PACSIN2: variants seen among roughly 807,000 people sequenced by gnomAD.
The protein encoded by PACSIN2 is protein kinase C and casein kinase substrate in neurons protein 2.
Under a neutral mutation model 63.8 loss-of-function variants are expected in PACSIN2, and 25 were observed. The ratio of observed to expected loss-of-function variants is 0.39; its 90% CI spans 0.29 to 0.55. PACSIN2 has a LOEUF of 0.55. Among genes scored for constraint, PACSIN2 ranks in the 20% least tolerant of loss-of-function variants. The probability of loss-of-function intolerance (pLI) is 0.62; values close to 1 mark genes in which losing one functional copy is unlikely to be tolerated. For missense variants in PACSIN2, 518 were observed against 646.9 expected (o/e 0.80, Z 2.16); for synonymous variants, 255 against 256.2 (o/e 1.00, Z 0.05).
chr22:42,987,530 C>T (rs866503700), intron 1 of PACSIN2, among the ~76,000 whole-genome samples: 18 of 52,024 alleles, frequency 3.5e-4, no homozygotes, highest in East Asian at 2.0e-3. Flanking sequence ...CACATTCATT[C>T]TTTTTTTTTT....
intron 1 of PACSIN2, among the ~76,000 whole-genome samples, chr22:42,932,223 C>T (rs903947138): frequency 1.2e-4 from 18 of 152,208 alleles, no homozygotes; most frequent in Admixed American, 1.0e-3. Context: ...AGAGCCTTTG[C>T]ACATGCTGTT....
intron 1 of PACSIN2, among the ~76,000 whole-genome samples, chr22:42,945,471 G>A (rs1192629344): frequency 3.3e-5 from 5 of 152,068 alleles, no homozygotes; most frequent in Non-Finnish European, 5.9e-5. Context: ...CTGCCTACTG[G>A]ATGCCTCCAC....
In PACSIN2 at chr22:43,012,159, ATAC is replaced by A. The variant is rs769109655; in HGVS notation, c.-78+2859_-78+2861del. On this transcript the variant is annotated intron_variant, in intron 1 of 10. Coordinates refer to ENST00000263246, the MANE Select transcript of PACSIN2 (RefSeq NM_001184970.3). ...ACTCTGTCTCAAAATAAATAAATAC[ATAC>A]ATACATACATACATACATACATACA... is the stretch of plus-strand genomic sequence containing the variant. Among the ~76,000 whole-genome samples the A allele has an allele frequency of 2.8e-3, 220 of 78,790 alleles. 1 individual carries two copies. The highest frequency in any genetic ancestry group is 9.5e-3 in the African/African-American group (166 of 17,386). 51.7% of individuals were successfully genotyped at this position (78,790 alleles called of 152,430 possible).
intron 1 of PACSIN2, among the ~76,000 whole-genome samples, chr22:43,008,128 CA>C (rs1333489721): frequency 6.6e-6 from 1 of 152,130 alleles, no homozygotes; most frequent in Non-Finnish European, 1.5e-5. Context: ...TCTGAGTATT[CA>C]AAACAGCTTT....
At chr22:42,973,897 G>C (rs1174588197) in intron 1 of PACSIN2, among the ~76,000 whole-genome samples, 1 of 152,216 alleles carries the variant, frequency 6.6e-6, no homozygotes, top group African/African-American at 2.4e-5. Flanking sequence ...TCATCCTTGG[G>C]GACACATAGC....
At chr22:42,950,198 G>T (rs934911132) in intron 1 of PACSIN2, among the ~76,000 whole-genome samples, 1 of 151,838 alleles carries the variant, frequency 6.6e-6, no homozygotes, top group Non-Finnish European at 1.5e-5. Context: ...ATTCTATTAG[G>T]TATTATAAGT....
chr22:42,992,204 G>C (rs1475249111), intron 1 of PACSIN2, among the ~76,000 whole-genome samples: 1 of 152,204 alleles, frequency 6.6e-6, no homozygotes, highest in Non-Finnish European at 1.5e-5. Flanking sequence ...GTGATTTAAA[G>C]AGATAATCAC....
chr22:42,939,653 A>G (rs1322104129), intron 1 of PACSIN2, among the ~76,000 whole-genome samples: 1 of 152,202 alleles, frequency 6.6e-6, no homozygotes, highest in African/African-American at 2.4e-5. Flanking sequence ...AGAACACACA[A>G]TGGAAGGATG....
intron 2 of PACSIN2, among the ~76,000 whole-genome samples, chr22:42,905,150 A>C (rs1310273062): frequency 6.6e-6 from 1 of 152,266 alleles, no homozygotes; most frequent in Non-Finnish European, 1.5e-5. Flanking sequence ...GCTTCTTGAC[A>C]GCACAAAACC....
At chr22:42,912,881 C>A (rs1249430958) in intron 1 of PACSIN2, among the ~76,000 whole-genome samples, 1 of 152,334 alleles carries the variant, frequency 6.6e-6, no homozygotes, top group African/African-American at 2.4e-5. Flanking sequence ...AGCCAGAGAT[C>A]CAAGACCTTC....
At chr22:42,997,573 A>T (rs1293654592) in intron 1 of PACSIN2, among the ~76,000 whole-genome samples, 2 of 150,150 alleles carry the variant, frequency 1.3e-5, no homozygotes, top group Non-Finnish European at 2.9e-5. Flanking sequence ...AAAACAATAA[A>T]TAATAAATAA....
chr22:42,951,803 A>G (rs1206686467), intron 1 of PACSIN2, among the ~76,000 whole-genome samples: 1 of 152,166 alleles, frequency 6.6e-6, no homozygotes, highest in Admixed American at 6.5e-5. Flanking sequence ...CCTGATTACA[A>G]GGTCCCATGT....
intron 1 of PACSIN2, among the ~76,000 whole-genome samples, chr22:42,967,861 C>T (rs1920985935): frequency 1.3e-5 from 2 of 152,188 alleles, no homozygotes; most frequent in Admixed American, 1.3e-4. Flanking sequence ...GCACTCCAGC[C>T]TGGGCCGCAG....
intron 1 of PACSIN2, among the ~76,000 whole-genome samples, chr22:42,982,888 A>AAAAAAAAAAACAAAAC (rs759532303): frequency 9.5e-6 from 1 of 105,156 alleles, no homozygotes; most frequent in South Asian, 3.5e-4. Context: ...AAAAAAAAAA[A>AAAAAAAAAAACAAAAC]AACAACAACA....
chr22:42,921,427 C>T (rs1932190232), intron 1 of PACSIN2, among the ~76,000 whole-genome samples: 1 of 151,322 alleles, frequency 6.6e-6, no homozygotes, highest in Non-Finnish European at 1.5e-5. Flanking sequence ...AGATGACTTT[C>T]AGGGAAACCC....
At chr22:42,999,646 C>G (rs1373731107) in intron 1 of PACSIN2, among the ~76,000 whole-genome samples, 17 of 151,820 alleles carry the variant, frequency 1.1e-4, no homozygotes, top group Admixed American at 1.1e-3. Flanking sequence ...CCAGCCTGGG[C>G]AACAAGAATG....
At chr22:42,971,545 C>G (rs1921270077) in intron 1 of PACSIN2, among the ~76,000 whole-genome samples, 1 of 151,968 alleles carries the variant, frequency 6.6e-6, no homozygotes, top group South Asian at 2.1e-4. Context: ...CCTGGCAGCC[C>G]ATCGTCTGGG....
chr22:42,975,170 T>C (rs926351), intron 1 of PACSIN2, among the ~76,000 whole-genome samples: 91,873 of 151,994 alleles, frequency 0.6, 28,309 homozygotes, highest in East Asian at 0.78. Context: ...CTCCCTTAAA[T>C]CCAATGCCAA....
At chr22:42,897,811 C>A (rs763952221) in intron 2 of PACSIN2, among the ~76,000 whole-genome samples, 6 of 152,138 alleles carry the variant, frequency 3.9e-5, no homozygotes, top group Admixed American at 6.6e-5. Flanking sequence ...AGGAGGCTGG[C>A]CAGATTAAAG....
Sources: allele counts gnomAD v4.1 joint callset (sites outside exome capture counted in the v4.1 genomes callset), GRCh38; gene constraint gnomAD v4.1.1; transcripts MANE v1.5; gene names NCBI Gene and HGNC (gene_info 2026-07-23, HGNC 2026-07-21).